Variants in DHX34 observed in about 807,000 individuals in gnomAD.
DHX34 encodes DExH-box helicase 34.
Under a neutral mutation model 111.1 loss-of-function variants are expected in DHX34, and 96 were observed. That is an observed-to-expected ratio of 0.86 (90% CI 0.73 to 1.02). DHX34 has a LOEUF of 1.02. DHX34 is among the 50% of genes least tolerant of loss of function. DHX34 has a pLI of 0.00. For synonymous variants in DHX34, 688 were observed against 670.4 expected (o/e 1.03, Z -0.41); for missense variants, 1,560 against 1,579.9 (o/e 0.99, Z 0.21).
Position 47,379,881 on chromosome 19 carries a change from C to G in DHX34, c.2878C>G (p.His960Asp). Reference protein sequence around the residue: ...WESALDRQLAHQAQQQLEEEE... With the variant: ...WESALDRQLADQAQQQLEEEE... The stretch of plus-strand genomic sequence containing the variant: ...AAGTGCCCTGGACCGGCAGCTGGCG[C>G]ACCAGGCCCAGCAGCAGCTGGAGGA... The change falls in exon 14 of 17, where the codon CAC becomes GAC. Residue 960 changes from histidine (H) to aspartate (D), a missense_variant. By Grantham distance (81) the His-to-Asp change is moderately conservative. Transcript: ENST00000328771. 1 of 1,613,478 alleles carries G rather than the reference C, an allele frequency of 6.2e-7. No homozygotes were observed. Among genetic ancestry groups the G allele is most frequent in the South Asian group, 1.1e-5 (1 of 91,058 alleles).
chr19:47,381,521 C>G (rs956673078), intron 16 of DHX34, 197 bp downstream of exon 16: 5 of 731,932 alleles, frequency 6.8e-6, no homozygotes, highest in African/African-American at 1.8e-5. Context: ...AGCGCCACCT[C>G]TTTCTGTCTG....
rs78657998 is a variant in DHX34, at chr19:47,379,839, C to T, written c.2836C>T (p.Leu946Phe). The T allele has an allele frequency of 0.029, 47,076 of 1,613,830 alleles. 820 individuals carry two copies. The highest frequency in any genetic ancestry group is 0.035 in the Non-Finnish European group (41,347 of 1,179,870). ...AIRLLAASLR[L>F]RARWESALDR... ...CCGACTCCTGGCGGCTTCCCTGCGG[C>T]TCCGTGCCCGCTGGGAAAGTGCCCT... Residue 946 changes from leucine to phenylalanine, a missense_variant, in exon 14 of 17, where the codon CTC becomes TTC. Leu to Phe is a conservative substitution (Grantham distance 22). Coordinates refer to ENST00000328771, the MANE Select transcript of DHX34 (RefSeq NM_014681.6).
chr19:47,351,530 C>T (rs1032719456), intron 1 of DHX34, among the ~76,000 whole-genome samples: 2 of 152,156 alleles, frequency 1.3e-5, no homozygotes, highest in Admixed American at 6.5e-5. Flanking sequence ...TCTTTCACCT[C>T]TCCCTGTGGT....
At chr19:47,358,361 G>A (rs947351158) in intron 4 of DHX34, among the ~76,000 whole-genome samples, 1 of 152,114 alleles carries the variant, frequency 6.6e-6, no homozygotes, top group South Asian at 2.1e-4. Flanking sequence ...CAGTCCTATC[G>A]ACCATGGGCT....
chr19:47,380,865 A>T lies in DHX34; in HGVS notation c.3032A>T (p.Tyr1011Phe). ...ACAGGGCTAGAAGTCCAGAACATGT[A>T]TGTGGGACCCCAGACCATCCCAGCC... The part of the protein sequence containing the change: ...RLTGLEVQNM[Y>F]VGPQTIPATP... Residue 1011 changes from tyrosine to phenylalanine, a missense_variant, in exon 15 of 17, where the codon TAT becomes TTT. Physicochemically the swap from Tyr to Phe is conservative, Grantham distance 22. Coordinates refer to ENST00000328771, the MANE Select transcript of DHX34 (RefSeq NM_014681.6). 2 of 1,613,892 alleles carry T rather than the reference A, an allele frequency of 1.2e-6. No homozygotes were observed. The highest frequency in any genetic ancestry group is 1.7e-6 in the Non-Finnish European group (2 of 1,179,878).
intron 5 of DHX34, among the ~76,000 whole-genome samples, chr19:47,362,094 G>A (rs970421972): frequency 2.0e-5 from 3 of 151,804 alleles, no homozygotes; most frequent in African/African-American, 7.3e-5. Context: ...AGATCAGCCT[G>A]TGAAACCCCG....
intron 7 of DHX34, chr19:47,372,498 C>G (rs1185780576): frequency 1.0e-5 from 6 of 602,312 alleles, no homozygotes; most frequent in Non-Finnish European, 1.2e-5. Flanking sequence ...GAGGCAGGGA[C>G]TGGCCATCTC....
Position 47,352,875 on chromosome 19 carries a change from G to T in DHX34, c.-156G>T. On this transcript the variant is annotated 5_prime_UTR_variant, in exon 2 of 17. Transcript: ENST00000328771. ...CTCTGGCCACTTTATCATCTGTGGT[G>T]GTCCTGTGCCGTGACCAGGAGGAAA... 2.1e-6 allele frequency: 3 copies of T among 1,410,504 alleles called. No homozygotes were observed. The highest frequency in any genetic ancestry group is 2.8e-6 in the Non-Finnish European group (3 of 1,076,252). The allele number at this position is 1,410,504 out of a possible 1,614,324, so 87.4% of individuals were successfully genotyped here. A position where few individuals can be genotyped will look rare whatever the true frequency, so the allele number is the denominator to read the frequency against.
chr19:47,380,209 C>T (rs1035831475), intron 14 of DHX34, among the ~76,000 whole-genome samples: 5 of 152,226 alleles, frequency 3.3e-5, no homozygotes, highest in Admixed American at 3.3e-4. Flanking sequence ...CTACCCACTG[C>T]TGCCTTGTTT....
At chr19:47,366,956 T>G (rs1341015483) in intron 6 of DHX34, 25 bp from the exon 7 acceptor site, 1 of 1,535,972 alleles carries the variant, frequency 6.5e-7, no homozygotes, top group Admixed American at 2.0e-5. Flanking sequence ...TTCCCCAATC[T>G]TGGGGGTTTT....
chr19:47,380,948 G>A lies in DHX34; in HGVS notation c.3115G>A (p.Gly1039Arg), dbSNP rs368827960. The A allele has an allele frequency of 6.0e-5, 97 of 1,603,968 alleles. No homozygotes were observed. Among genetic ancestry groups the A allele is most frequent in the East Asian group, 2.2e-4 (10 of 44,690 alleles). The change falls in exon 15 of 17, where the codon GGG (glycine) becomes AGG (arginine). Residue 1039 changes from glycine to arginine, a missense_variant. Transcript: ENST00000328771. ...CACCCTGTCCCCCCACCCCACAAAG[G>A]GGGGCTACGCAGTCACTGACTTCCT... is the stretch of plus-strand genomic sequence containing the variant. ...SSTLSPHPTK[G>R]GYAVTDFLTY...
intron 5 of DHX34, 184 bp from the exon 6 acceptor site, chr19:47,362,292 A>AATTTT: frequency 3.0e-6 from 1 of 329,448 alleles, no homozygotes; most frequent in Non-Finnish European, 4.3e-6. Context: ...AAAAAAAAAG[A>AATTTT]TGTGTGAGGA....
At chr19:47,368,639 TACACACACACACACAC>T (rs533434183) in intron 7 of DHX34, among the ~76,000 whole-genome samples, 1 of 145,702 alleles carries the variant, frequency 6.9e-6, no homozygotes, top group Non-Finnish European at 1.5e-5. Flanking sequence ...TGTATATATA[TACACACACACACACAC>T]ACACACATAC....
At chr19:47,377,293 G>A in intron 13 of DHX34, 87 bp downstream of exon 13, 1 of 1,412,590 alleles carries the variant, frequency 7.1e-7, no homozygotes, top group Non-Finnish European at 9.6e-7. Context: ...CGTGGGCTTG[G>A]AGGGGCCACC....
At position 47,350,235 on chromosome 19, in the gene DHX34, A is replaced by G. The variant is rs191776832; in HGVS notation, c.-278+883A>G. Reference sequence around the variant, plus strand: ...ACTGGAAGGACAAAAGGGAGGAAAAAAAGATTCAAACAGAAAATGAGAAAG... The same window carrying G: ...ACTGGAAGGACAAAAGGGAGGAAAAGAAGATTCAAACAGAAAATGAGAAAG... On this transcript the variant is annotated intron_variant, in intron 1 of 16. Coordinates refer to ENST00000328771, the MANE Select transcript of DHX34 (RefSeq NM_014681.6). Among the ~76,000 whole-genome samples the G allele has an allele frequency of 9.8e-4, 149 of 151,940 alleles. 1 individual carries two copies. Among genetic ancestry groups the G allele is most frequent in the Non-Finnish European group, 6.9e-4 (47 of 67,986 alleles).
intron 5 of DHX34, 64 bp downstream of exon 5, chr19:47,360,134 T>C (rs1969584209): frequency 6.7e-7 from 1 of 1,503,336 alleles, no homozygotes. Context: ...GGTCCGGAGG[T>C]GTGCGTGTGT....
intron 10 of DHX34, 31 bp from the exon 11 acceptor site, chr19:47,375,893 C>G (rs775121766): frequency 1.9e-6 from 3 of 1,583,778 alleles, no homozygotes; most frequent in Admixed American, 4.0e-5. Context: ...CTCAGGTCCC[C>G]TAAGACTCTG....
In DHX34 at chr19:47,360,027, G is replaced by T. The variant is rs748261002; in HGVS notation, c.1332G>T (p.Glu444Asp). Residue 444 changes from glutamate (E) to aspartate (D), a missense_variant, in exon 5 of 17, where the codon GAG (glutamate) becomes GAT (aspartate). Physicochemically the swap from Glu to Asp is conservative, Grantham distance 45 (BLOSUM62 2). Transcript: ENST00000328771. ...GCATCCTCTCCACCAACATTGCTGA[G>T]ACCTCAGTCACCATTGACGGGATCC... is the stretch of plus-strand genomic sequence containing the variant. ...RKCILSTNIA[E>D]TSVTIDGIRF... 21 of 1,613,908 alleles carry T rather than the reference G, an allele frequency of 1.3e-5. No individual in the cohort carries two copies. Among genetic ancestry groups the T allele is most frequent in the Admixed American group, 3.3e-5 (2 of 59,952 alleles).
Position 47,353,783 on chromosome 19 carries a change from G to A in DHX34, c.705+48G>A, listed in dbSNP as rs1251190433. ...CCGATTTTTCCAGCGTGACCTTGGG[G>A]GAATAGGTTGCTTGTCCATATGGCA... On this transcript the variant is annotated intron_variant, in intron 2 of 16. Transcript: ENST00000328771. The surrounding 1 kb of genome is among the most constrained non-coding windows in gnomAD (Gnocchi z 4.6). The A allele has an allele frequency of 1.4e-6, 2 of 1,459,600 alleles. No homozygotes were observed. Among genetic ancestry groups the A allele is most frequent in the South Asian group, 1.4e-5 (1 of 72,688 alleles). The allele number at this position is 1,459,600 out of a possible 1,614,324, so 90.4% of individuals were successfully genotyped here.
Sources: allele counts gnomAD v4.1 joint callset (sites outside exome capture counted in the v4.1 genomes callset), GRCh38; gene constraint gnomAD v4.1.1; non-coding constraint Gnocchi (gnomAD v3.1); transcripts MANE v1.5; gene names NCBI Gene and HGNC (gene_info 2026-07-23, HGNC 2026-07-21).